STK3: variants seen among roughly 807,000 people sequenced by gnomAD.
STK3 encodes serine/threonine-protein kinase 3.
In STK3, 41 loss-of-function variants were observed where a neutral mutation model predicts 58.0. The ratio of observed to expected loss-of-function variants is 0.71; its 90% CI spans 0.55 to 0.92. The LOEUF (loss-of-function observed/expected upper bound fraction) is 0.92. Ranked by LOEUF, STK3 falls within the 40% of genes least tolerant of loss-of-function variation. The pLI is 0.00. For missense variants in STK3, 479 were observed against 602.7 expected (o/e 0.79, Z 2.15); for synonymous variants, 170 against 191.0 (o/e 0.89, Z 0.91).
chr8:98,408,373 A>C (rs192052042), intron 3 of STK3, among the ~76,000 whole-genome samples: 158 of 152,376 alleles, frequency 1.0e-3, no homozygotes, highest in Middle Eastern at 6.8e-3. Flanking sequence ...TAAAAATGCA[A>C]TGGCTAAGAT....
downstream of STK3, chr8:98,881,257 T>C (rs141473394): frequency 7.9e-5 from 12 of 152,220 alleles, no homozygotes; most frequent in East Asian, 2.3e-3. Context: ...TATTACTAAG[T>C]GAAAGAAGCC....
chr8:98,414,128 G>T (rs1206164024), intron 3 of STK3, among the ~76,000 whole-genome samples: 2 of 152,182 alleles, frequency 1.3e-5, no homozygotes, highest in African/African-American at 4.8e-5. Context: ...GCCAGGCATA[G>T]TGGTGCATGC....
At chr8:98,711,749 G>C (rs1008507822) in intron 4 of STK3, among the ~76,000 whole-genome samples, 22 of 152,128 alleles carry the variant, frequency 1.4e-4, no homozygotes, top group Non-Finnish European at 1.3e-4. Context: ...ACCTACCAAG[G>C]CAGGCTACCA....
chr8:98,877,645 G>A (rs531305469), intron 3 of STK3, among the ~76,000 whole-genome samples: 8 of 151,980 alleles, frequency 5.3e-5, no homozygotes, highest in Admixed American at 2.6e-4. Context: ...CACTACACCC[G>A]GCTAATTTTG....
intron 1 of STK3, among the ~76,000 whole-genome samples, chr8:98,783,896 C>T (rs985412366): frequency 6.6e-6 from 1 of 152,172 alleles, no homozygotes; most frequent in Admixed American, 6.5e-5. Context: ...CAGGAATCCA[C>T]TGGAATCGTG....
intron 8 of STK3, among the ~76,000 whole-genome samples, chr8:98,563,120 G>A (rs1812193406): frequency 3.3e-5 from 5 of 152,064 alleles, no homozygotes. Context: ...TAAGTGAACT[G>A]TGAATTCTGT....
At chr8:98,887,691 G>A (rs1256638719) in intron 1 of STK3, among the ~76,000 whole-genome samples, 1 of 152,078 alleles carries the variant, frequency 6.6e-6, no homozygotes, top group African/African-American at 2.4e-5. Flanking sequence ...ATAGAAACTG[G>A]AAAATAGATG....
intron 3 of STK3, among the ~76,000 whole-genome samples, chr8:98,422,693 T>C (rs1818187463): frequency 6.6e-6 from 1 of 152,194 alleles, no homozygotes; most frequent in Non-Finnish European, 1.5e-5. Flanking sequence ...AGGCAGGCCC[T>C]GCCCTAAGAC....
intron 3 of STK3, among the ~76,000 whole-genome samples, chr8:98,755,220 G>A (rs1475178588): frequency 6.6e-6 from 1 of 152,184 alleles, no homozygotes; most frequent in East Asian, 1.9e-4. Context: ...TGCATTCACT[G>A]ACCCTCTACT....
intron 8 of STK3, among the ~76,000 whole-genome samples, chr8:98,549,766 T>C (rs919801087): frequency 6.6e-5 from 10 of 152,128 alleles, no homozygotes; most frequent in South Asian, 2.1e-4. Context: ...CAACTGATAA[T>C]CACAGTGCTT....
chr8:98,592,323 T>G (rs1011714661), intron 7 of STK3, among the ~76,000 whole-genome samples: 8 of 152,216 alleles, frequency 5.3e-5, no homozygotes, highest in Admixed American at 2.6e-4. Context: ...TTTTGTGTCT[T>G]TGTTCATATT....
At chr8:98,472,101 AT>A (rs1820966586) in intron 10 of STK3, among the ~76,000 whole-genome samples, 1 of 152,184 alleles carries the variant, frequency 6.6e-6, no homozygotes, top group Admixed American at 6.5e-5. Context: ...ATTTTTCAGA[AT>A]TTAAGTTTTC....
At chr8:98,769,404 G>C (rs1831152342) in intron 2 of STK3, among the ~76,000 whole-genome samples, 1 of 152,134 alleles carries the variant, frequency 6.6e-6, no homozygotes, top group South Asian at 2.1e-4. Flanking sequence ...TTTAAAAATG[G>C]GAGTTTGTCT....
chr8:98,466,253 A>C (rs552360480), intron 10 of STK3, among the ~76,000 whole-genome samples: 17 of 152,336 alleles, frequency 1.1e-4, no homozygotes, highest in African/African-American at 3.4e-4. Context: ...CAAAAACAAC[A>C]GTGGTTAAAG....
At chr8:98,617,720 G>T (rs1300421501) in intron 6 of STK3, among the ~76,000 whole-genome samples, 7 of 151,520 alleles carry the variant, frequency 4.6e-5, no homozygotes, top group African/African-American at 1.7e-4. Context: ...TAGAAGAAAT[G>T]GATACATTCC....
At chr8:98,744,342 C>A (rs1196216635) in intron 4 of STK3, among the ~76,000 whole-genome samples, 2 of 151,924 alleles carry the variant, frequency 1.3e-5, no homozygotes, top group African/African-American at 4.8e-5. Flanking sequence ...AAATGTCCAA[C>A]AATGATAGAC....
chr8:98,825,136 T>C (rs1290355501), intron 1 of STK3, among the ~76,000 whole-genome samples: 1 of 152,172 alleles, frequency 6.6e-6, no homozygotes, highest in Non-Finnish European at 1.5e-5. Context: ...CATCCATAAA[T>C]ACTTTTGAAC....
At chr8:98,774,446 C>T (rs537031155) in intron 2 of STK3, among the ~76,000 whole-genome samples, 14 of 152,224 alleles carry the variant, frequency 9.2e-5, no homozygotes, top group Admixed American at 1.3e-4. Flanking sequence ...AACCTTCAAA[C>T]GTATTAATAA....
At chr8:98,729,568 ATTC>A (rs1203346780) in intron 4 of STK3, among the ~76,000 whole-genome samples, 2 of 152,246 alleles carry the variant, frequency 1.3e-5, no homozygotes, top group Non-Finnish European at 2.9e-5. Context: ...AGTTCTCTGC[ATTC>A]TTCTACCCAA....
Sources: allele counts gnomAD v4.1 joint callset (sites outside exome capture counted in the v4.1 genomes callset), GRCh38; gene constraint gnomAD v4.1.1; transcripts MANE v1.5; gene names NCBI Gene and HGNC (gene_info 2026-07-23, HGNC 2026-07-21).